CTNNA3: variants seen among roughly 807,000 people sequenced by gnomAD.
CTNNA3 encodes the protein catenin alpha-3.
Under a neutral mutation model 95.7 loss-of-function variants are expected in CTNNA3, and 76 were observed. That is an observed-to-expected ratio of 0.79 (90% CI 0.66 to 0.96). The LOEUF (loss-of-function observed/expected upper bound fraction) is 0.96, where lower values mean the gene tolerates loss of function less well. CTNNA3 is among the 40% of genes least tolerant of loss of function. The probability of loss-of-function intolerance (pLI) is 0.00; values close to 1 mark genes in which losing one functional copy is unlikely to be tolerated. For missense variants in CTNNA3, 1,191 were observed against 1,089.8 expected, an observed-to-expected ratio of 1.09 and a Z score of -1.31; for synonymous variants, 431 against 374.4, an observed-to-expected ratio of 1.15 and a Z score of -1.74.
intron 14 of CTNNA3, among the ~76,000 whole-genome samples, chr10:66,070,628 C>T (rs1235745221): frequency 6.6e-6 from 1 of 152,040 alleles, no homozygotes; most frequent in Non-Finnish European, 1.5e-5. Flanking sequence ...TATTCAAGAG[C>T]TGAACTGGTT....
chr10:66,142,570 TG>T (rs1431230624), intron 13 of CTNNA3, among the ~76,000 whole-genome samples: 1 of 152,102 alleles, frequency 6.6e-6, no homozygotes, highest in African/African-American at 2.4e-5. Flanking sequence ...TTACACTGAA[TG>T]TGTAGATCAA....
intron 6 of CTNNA3, among the ~76,000 whole-genome samples, chr10:67,219,245 G>A (rs1020697149): frequency 2.0e-5 from 3 of 152,120 alleles, no homozygotes; most frequent in Admixed American, 6.5e-5. Flanking sequence ...ATTTGTCAAG[G>A]GAAGTGATCA....
At chr10:66,051,216 T>C (rs1228412404) in intron 15 of CTNNA3, among the ~76,000 whole-genome samples, 3 of 152,206 alleles carry the variant, frequency 2.0e-5, no homozygotes, top group Admixed American at 6.5e-5. Context: ...CTAATTTCTG[T>C]AAGTCCTCAA....
At chr10:67,446,579 T>C (rs1029821491) in intron 5 of CTNNA3, among the ~76,000 whole-genome samples, 2 of 152,232 alleles carry the variant, frequency 1.3e-5, no homozygotes, top group Non-Finnish European at 2.9e-5. Flanking sequence ...TCTTTTCTTA[T>C]AGCATTTACT....
At chr10:67,002,003 C>T (rs562642541) in intron 7 of CTNNA3, among the ~76,000 whole-genome samples, 13 of 152,182 alleles carry the variant, frequency 8.5e-5, no homozygotes, top group South Asian at 4.1e-4. Context: ...TCTTAGAGTC[C>T]GAAGACCTAG....
intron 11 of CTNNA3, among the ~76,000 whole-genome samples, chr10:66,385,687 C>A (rs1471098361): frequency 6.6e-6 from 1 of 152,094 alleles, no homozygotes; most frequent in Non-Finnish European, 1.5e-5. Context: ...ATGTGAAAAT[C>A]CTTAGTAAAA....
At chr10:66,805,488 T>C (rs991407168) in intron 7 of CTNNA3, among the ~76,000 whole-genome samples, 7 of 149,174 alleles carry the variant, frequency 4.7e-5, no homozygotes, top group Non-Finnish European at 7.4e-5. Flanking sequence ...TATACACATA[T>C]ATATACATAT....
chr10:67,607,977 A>T (rs1024631011), intron 2 of CTNNA3, among the ~76,000 whole-genome samples: 17 of 152,228 alleles, frequency 1.1e-4, no homozygotes, highest in Non-Finnish European at 2.4e-4. Context: ...AAACAAATTT[A>T]AAAATGTAAG....
chr10:67,135,569 G>A (rs1483845767), intron 7 of CTNNA3, among the ~76,000 whole-genome samples: 3 of 152,142 alleles, frequency 2.0e-5, no homozygotes, highest in Admixed American at 2.0e-4. Context: ...CAGCTACTCA[G>A]GAGGCTGAGG....
At chr10:66,966,948 A>T (rs541566677) in intron 7 of CTNNA3, among the ~76,000 whole-genome samples, 4 of 152,078 alleles carry the variant, frequency 2.6e-5, no homozygotes, top group East Asian at 3.9e-4. Flanking sequence ...TAGAAGAGAA[A>T]TTTTTTGTAT....
chr10:67,692,736 T>TAAAAA lies in CTNNA3; in HGVS notation c.-6+3259_-6+3263dup, dbSNP rs200961420. Among the ~76,000 whole-genome samples, 547 of 80,612 alleles carry TAAAAA rather than the reference T, an allele frequency of 6.8e-3. 12 individuals are homozygous for TAAAAA. The highest frequency in any genetic ancestry group is 0.014 in the African/African-American group (295 of 21,468). 52.9% of individuals were successfully genotyped at this position (80,612 alleles called of 152,430 possible). A position where few individuals can be genotyped will look rare whatever the true frequency, so the allele number is the denominator to read the frequency against. On this transcript the variant is annotated intron_variant, in intron 1 of 17. Coordinates refer to ENST00000433211, the MANE Select transcript of CTNNA3 (RefSeq NM_013266.4). ...GCGAGAAACACCCAAGAATGATCAA[T>TAAAAA]AAAAAAAAAAAAAAAAAAAAAAGTC...
intron 15 of CTNNA3, among the ~76,000 whole-genome samples, chr10:66,007,238 T>A (rs1047591970): frequency 6.6e-6 from 1 of 152,194 alleles, no homozygotes; most frequent in Non-Finnish European, 1.5e-5. Context: ...CAAAGTCAAT[T>A]TTTAAAGGGT....
At chr10:66,606,665 C>A (rs1480337292) in intron 10 of CTNNA3, among the ~76,000 whole-genome samples, 44 of 152,124 alleles carry the variant, frequency 2.9e-4, no homozygotes, top group Non-Finnish European at 2.2e-4. Context: ...AACCTACTCC[C>A]AAATGGCTTT....
At chr10:65,992,391 G>C (rs2078563611) in intron 15 of CTNNA3, among the ~76,000 whole-genome samples, 1 of 151,900 alleles carries the variant, frequency 6.6e-6, no homozygotes. Context: ...TCTCTTTTTC[G>C]GGAGTCTTTT....
rs563004168 is a variant in CTNNA3, at chr10:66,595,024, G to C, written c.1374+26668C>G. ...TATCTCGTTTGAGTGATATCAGCGAGATTGTGGAACTGGAGATCCCAGCCC... is the reference window on the plus strand; with the variant it reads ...TATCTCGTTTGAGTGATATCAGCGACATTGTGGAACTGGAGATCCCAGCCC... On this transcript the variant is annotated intron_variant, in intron 10 of 17. Coordinates refer to ENST00000433211, the MANE Select transcript of CTNNA3 (RefSeq NM_013266.4). 3.3e-5 allele frequency among the ~76,000 whole-genome samples: 5 copies of C among 152,210 alleles called. No individual in the cohort carries two copies. The East Asian group carries it at 9.7e-4, about 29-fold the overall frequency.
intron 5 of CTNNA3, among the ~76,000 whole-genome samples, chr10:67,235,152 G>A (rs1258003141): frequency 6.6e-6 from 1 of 151,984 alleles, no homozygotes; most frequent in East Asian, 1.9e-4. Flanking sequence ...TCACAGAATT[G>A]GAAAAAACTA....
At chr10:67,202,867 TA>T (rs1863711457) in intron 6 of CTNNA3, among the ~76,000 whole-genome samples, 1 of 152,116 alleles carries the variant, frequency 6.6e-6, no homozygotes, top group Admixed American at 6.6e-5. Context: ...ACTCTGGACA[TA>T]TCTGCTTTAA....
At chr10:67,748,201 A>G (rs1313427059) in intron 1 of CTNNA3, among the ~76,000 whole-genome samples, 2 of 152,220 alleles carry the variant, frequency 1.3e-5, no homozygotes, top group African/African-American at 2.4e-5. Flanking sequence ...ATCCAGGAGA[A>G]CTTCTCCAAC....
At chr10:66,891,181 A>G (rs1034127089) in intron 7 of CTNNA3, among the ~76,000 whole-genome samples, 1 of 152,200 alleles carries the variant, frequency 6.6e-6, no homozygotes, top group South Asian at 2.1e-4. Context: ...TTGTGCATCA[A>G]AGATGTTAAT....
Sources: allele counts gnomAD v4.1 joint callset (sites outside exome capture counted in the v4.1 genomes callset), GRCh38; gene constraint gnomAD v4.1.1; transcripts MANE v1.5; gene names NCBI Gene and HGNC (gene_info 2026-07-23, HGNC 2026-07-21).